Variants in GLIS3 observed in about 807,000 individuals in gnomAD.
GLIS3 encodes the protein GLIS family zinc finger 3, also known as zinc finger protein GLIS3.
In GLIS3, 53 loss-of-function variants were observed where a neutral mutation model predicts 78.6. The observed-to-expected ratio is 0.67, with a 90% CI of 0.54 to 0.85. The LOEUF is 0.85. Among genes scored for constraint, GLIS3 ranks in the 40% least tolerant of loss-of-function variants. The pLI is 0.00. For synonymous variants in GLIS3, 684 were observed against 509.9 expected, an observed-to-expected ratio of 1.34 and a Z score of -4.60; for missense variants, 1,703 against 1,231.1, an observed-to-expected ratio of 1.38 and a Z score of -5.74.
intron 4 of GLIS3, among the ~76,000 whole-genome samples, chr9:3,999,754 T>C (rs1227134720): frequency 1.3e-5 from 2 of 152,126 alleles, no homozygotes; most frequent in African/African-American, 4.8e-5. Context: ...TCAAGGACCT[T>C]AATGAGCTTA....
At chr9:4,107,412 C>G (rs1260459200) in intron 4 of GLIS3, among the ~76,000 whole-genome samples, 1 of 152,064 alleles carries the variant, frequency 6.6e-6, no homozygotes, top group Non-Finnish European at 1.5e-5. Context: ...TGCCTGGATC[C>G]TAAAACCTCT....
At chr9:3,905,157 T>A (rs1471040047) in intron 6 of GLIS3, among the ~76,000 whole-genome samples, 1 of 144,370 alleles carries the variant, frequency 6.9e-6, no homozygotes, top group African/African-American at 2.6e-5. Flanking sequence ...TCTTTTTTTT[T>A]TTTTTGCTAT....
At chr9:4,385,542 G>A in the GLIS3 span, among the ~76,000 whole-genome samples, 1 of 151,730 alleles carries the variant, frequency 6.6e-6, no homozygotes, top group Non-Finnish European at 1.5e-5. Flanking sequence ...ATGGGCACCT[G>A]TAATCCCAGC....
chr9:4,358,075 A>C, the GLIS3 span, among the ~76,000 whole-genome samples: 1 of 152,192 alleles, frequency 6.6e-6, no homozygotes, highest in Non-Finnish European at 1.5e-5. Flanking sequence ...GGACAAGGGC[A>C]GAACAGTGTG....
At chr9:4,163,777 G>A (rs1835683205) in intron 2 of GLIS3, among the ~76,000 whole-genome samples, 1 of 152,200 alleles carries the variant, frequency 6.6e-6, no homozygotes. Context: ...TCAGAATTGT[G>A]CTTAGTGTAC....
chr9:4,240,552 A>T (rs141587609), intron 2 of GLIS3, among the ~76,000 whole-genome samples: 124 of 152,312 alleles, frequency 8.1e-4, no homozygotes, highest in African/African-American at 2.9e-3. Context: ...ACAAGATTAC[A>T]AGGGAAGATT....
At chr9:4,357,826 G>A in the GLIS3 span, among the ~76,000 whole-genome samples, 2 of 152,154 alleles carry the variant, frequency 1.3e-5, no homozygotes, top group South Asian at 4.1e-4. Context: ...ATAGTGTCAG[G>A]AGGCACCATT....
the GLIS3 span, among the ~76,000 whole-genome samples, chr9:4,458,876 G>A: frequency 6.6e-6 from 1 of 152,284 alleles, no homozygotes; most frequent in Middle Eastern, 3.4e-3. Context: ...TCTAAAGTGG[G>A]AAAGTGACAT....
intron 4 of GLIS3, among the ~76,000 whole-genome samples, chr9:4,007,266 C>T (rs559596441): frequency 7.4e-4 from 113 of 152,178 alleles, no homozygotes; most frequent in African/African-American, 2.6e-3. Flanking sequence ...TAGCAAAAAG[C>T]CCTGGCTGCC....
chr9:3,996,177 G>T (rs1208977891), intron 4 of GLIS3, among the ~76,000 whole-genome samples: 1 of 152,060 alleles, frequency 6.6e-6, no homozygotes, highest in Non-Finnish European at 1.5e-5. Context: ...TACCTTTCAA[G>T]AGCAAGAATG....
chr9:4,362,536 A>C, the GLIS3 span, among the ~76,000 whole-genome samples: 1 of 152,168 alleles, frequency 6.6e-6, no homozygotes, highest in Non-Finnish European at 1.5e-5. Context: ...TTCAAACAGC[A>C]CTCAAAAACA....
chr9:3,994,796 T>C (rs1251255601), intron 4 of GLIS3, among the ~76,000 whole-genome samples: 1 of 152,190 alleles, frequency 6.6e-6, no homozygotes, highest in Non-Finnish European at 1.5e-5. Context: ...GAGAAACCAC[T>C]TCTGATGCAG....
chr9:3,897,936 G>T (rs141965042), intron 7 of GLIS3, among the ~76,000 whole-genome samples: 1 of 152,194 alleles, frequency 6.6e-6, no homozygotes, highest in African/African-American at 2.4e-5. Flanking sequence ...GGAATGTGGA[G>T]CTGGTAAATC....
chr9:4,321,548 G>A lies in GLIS3; in HGVS notation n.265-11020C>T, dbSNP rs185045194. Among the ~76,000 whole-genome samples, 219 of 141,544 alleles carry A rather than the reference G, an allele frequency of 1.5e-3. 1 individual carries two copies. The highest frequency in any genetic ancestry group is 5.3e-3 in the African/African-American group (205 of 39,000). 92.9% of individuals were successfully genotyped at this position (141,544 alleles called of 152,430 possible). ...CCAGTGCATGGTCTTCTCTATTTACGTAATTAAAATAAGAAAATGAACATT... is the reference window on the plus strand; with the variant it reads ...CCAGTGCATGGTCTTCTCTATTTACATAATTAAAATAAGAAAATGAACATT... On this transcript the variant is annotated intron_variant and non_coding_transcript_variant, in intron 2 of 4. Transcript: ENST00000471664.
At chr9:4,479,889 C>A in the GLIS3 span, among the ~76,000 whole-genome samples, 4,297 of 146,272 alleles carry the variant, frequency 0.029, 203 homozygotes, top group African/African-American at 0.1. Context: ...CTTGACCACA[C>A]AATAATTTCT....
At chr9:4,205,424 A>G (rs1819786727) in intron 2 of GLIS3, among the ~76,000 whole-genome samples, 1 of 152,232 alleles carries the variant, frequency 6.6e-6, no homozygotes, top group Admixed American at 6.5e-5. Context: ...GACCTGAAGC[A>G]GAGACAATGG....
chr9:4,378,955 T>C, the GLIS3 span, among the ~76,000 whole-genome samples: 2 of 152,160 alleles, frequency 1.3e-5, no homozygotes, highest in Non-Finnish European at 2.9e-5. Flanking sequence ...TGAGGCCAAG[T>C]GTTTTGGGTT....
intron 6 of GLIS3, among the ~76,000 whole-genome samples, chr9:3,910,995 C>T (rs918505657): frequency 6.6e-6 from 1 of 152,216 alleles, no homozygotes; most frequent in Non-Finnish European, 1.5e-5. Flanking sequence ...CTGACCAGGA[C>T]AGAATAAATA....
intron 4 of GLIS3, among the ~76,000 whole-genome samples, chr9:3,999,876 A>G (rs995587218): frequency 4.6e-5 from 7 of 152,162 alleles, no homozygotes; most frequent in Non-Finnish European, 8.8e-5. Context: ...TAATTACGCA[A>G]TGCAACATTT....
Sources: allele counts gnomAD v4.1 joint callset (sites outside exome capture counted in the v4.1 genomes callset), GRCh38; gene constraint gnomAD v4.1.1; transcripts MANE v1.5; gene names NCBI Gene and HGNC (gene_info 2026-07-23, HGNC 2026-07-21).